Variants in OTOGL observed in about 807,000 individuals in gnomAD.
OTOGL encodes the protein otogelin-like protein.
A neutral mutation model predicts 318.5 loss-of-function variants in OTOGL; 285 were observed. The observed-to-expected ratio is 0.89, with a 90% CI of 0.81 to 0.99. OTOGL has a LOEUF of 0.99. Ranked by LOEUF, OTOGL falls within the 50% of genes least tolerant of loss-of-function variation. The pLI, the probability that OTOGL is intolerant of heterozygous loss-of-function variation, is 0.00. For missense variants in OTOGL, 2,899 were observed against 2,845.6 expected (o/e 1.02, Z -0.43); for synonymous variants, 987 against 936.5 (o/e 1.05, Z -0.99).
At position 80,341,961 on chromosome 12, in the gene OTOGL, A is replaced by T; in HGVS notation, c.5064A>T (p.Glu1688Asp). Reference protein sequence around the residue: ...YTEGLCGICNEDPDDDLRMQN... With the variant: ...YTEGLCGICNDDPDDDLRMQN... ...TATTCTTTCAAGGAATTTGCAATGA[A>T]GATCCGGATGATGATCTAAGGATGC... Residue 1688 changes from glutamate to aspartate, a missense_variant, in exon 44 of 59, where the codon GAA becomes GAT. Physicochemically the swap from Glu to Asp is conservative, Grantham distance 45 (BLOSUM62 2). This residue lies in a region of OTOGL where 2,607 missense variants were observed against 2,524.9 expected (regional missense o/e 1.03). Coordinates refer to ENST00000547103, the MANE Select transcript of OTOGL (RefSeq NM_001378609.3). 1 of 1,603,164 alleles carries T rather than the reference A, an allele frequency of 6.2e-7. No homozygotes were observed. Among genetic ancestry groups the T allele is most frequent in the South Asian group, 1.1e-5 (1 of 89,070 alleles).
At chr12:80,125,023 C>G (rs1235120860) in intron 1 of OTOGL, among the ~76,000 whole-genome samples, 1 of 152,116 alleles carries the variant, frequency 6.6e-6, no homozygotes, top group Non-Finnish European at 1.5e-5. Context: ...AATTGAATAC[C>G]CTTTATTCCC....
At chr12:80,203,006 C>G (rs1876566894) in intron 1 of OTOGL, among the ~76,000 whole-genome samples, 1 of 152,138 alleles carries the variant, frequency 6.6e-6, no homozygotes, top group African/African-American at 2.4e-5. Flanking sequence ...ATTTCAATAC[C>G]TGAGAATGAG....
At chr12:80,244,179 T>C (rs916139845) in intron 11 of OTOGL, among the ~76,000 whole-genome samples, 22 of 151,710 alleles carry the variant, frequency 1.5e-4, no homozygotes, top group South Asian at 8.3e-4. Context: ...TTTCTTTTTT[T>C]TTTTTTATAC....
intron 1 of OTOGL, among the ~76,000 whole-genome samples, chr12:80,167,598 T>C (rs571600142): frequency 6.6e-6 from 1 of 152,300 alleles, no homozygotes; most frequent in African/African-American, 2.4e-5. Flanking sequence ...TTAATTTTTT[T>C]CTTCTAGGAA....
intron 1 of OTOGL, among the ~76,000 whole-genome samples, chr12:80,157,293 T>A (rs1196516555): frequency 6.6e-6 from 1 of 152,146 alleles, no homozygotes; most frequent in Non-Finnish European, 1.5e-5. Flanking sequence ...ATTATTAGAT[T>A]TTTTTCCCCA....
chr12:80,360,308 C>CT (rs1389457888), intron 52 of OTOGL, among the ~76,000 whole-genome samples: 3 of 151,624 alleles, frequency 2.0e-5, no homozygotes, highest in East Asian at 1.9e-4. Flanking sequence ...TACTTTCTAT[C>CT]TTTTTTCTGG....
intron 11 of OTOGL, among the ~76,000 whole-genome samples, chr12:80,249,930 A>C (rs556180439): frequency 6.6e-6 from 1 of 152,038 alleles, no homozygotes; most frequent in African/African-American, 2.4e-5. Flanking sequence ...CCGATTTTCC[A>C]GGTGCGTCCG....
chr12:80,278,145 G>A (rs1428692105), intron 24 of OTOGL, 23 bp from the exon 25 acceptor site: 72 of 1,496,748 alleles, frequency 4.8e-5, no homozygotes, highest in African/African-American at 5.6e-5. Flanking sequence ...ATACTAAATA[G>A]CATTTTATTC....
At chr12:80,369,924 A>C (rs12298138) in intron 55 of OTOGL, among the ~76,000 whole-genome samples, 1,651 of 152,182 alleles carry the variant, frequency 0.011, 34 homozygotes, top group African/African-American at 0.038. Context: ...TTATAAAATA[A>C]AAATATAGAT....
chr12:80,366,469 T>TGA (rs1282838294), intron 52 of OTOGL, 105 bp from the exon 53 acceptor site: 3 of 352,384 alleles, frequency 8.5e-6, no homozygotes, highest in African/African-American at 6.6e-5. Context: ...AGTATGTGTG[T>TGA]GTGTGTGTAT....
At chr12:80,330,542 G>A (rs1218635031) in intron 37 of OTOGL, among the ~76,000 whole-genome samples, 1 of 152,140 alleles carries the variant, frequency 6.6e-6, no homozygotes. Flanking sequence ...ATTATTCTAA[G>A]TATTGCTCTC....
At chr12:80,336,192 AG>A (rs538134325) in intron 39 of OTOGL, 52 bp downstream of exon 39, 581 of 1,466,960 alleles carry the variant, frequency 4.0e-4, no homozygotes, top group Non-Finnish European at 4.9e-4. Context: ...TTTAATCTGG[AG>A]AGATTGTTAC....
intron 1 of OTOGL, among the ~76,000 whole-genome samples, chr12:80,206,936 A>G (rs1418537669): frequency 6.6e-6 from 1 of 150,556 alleles, no homozygotes; most frequent in South Asian, 2.1e-4. Context: ...AATGACTGTG[A>G]TGCTTTTGAA....
chr12:80,352,158 GAAA>G, intron 44 of OTOGL, 134 bp from the exon 45 acceptor site: 4 of 755,276 alleles, frequency 5.3e-6, no homozygotes, highest in Non-Finnish European at 8.1e-6. Flanking sequence ...AAGAATTTTT[GAAA>G]ATGTAAAGTC....
At chr12:80,239,536 A>C (rs1880184203) in intron 11 of OTOGL, 97 bp downstream of exon 11, 3 of 824,484 alleles carry the variant, frequency 3.6e-6, no homozygotes, top group Non-Finnish European at 5.5e-6. Context: ...CTGTTCACAA[A>C]ATATTATGGG....
chr12:80,249,111 T>C (rs1881215491), intron 11 of OTOGL, among the ~76,000 whole-genome samples: 1 of 146,518 alleles, frequency 6.8e-6, no homozygotes, highest in Non-Finnish European at 1.5e-5. Context: ...TTGGTTTGAA[T>C]GTCCTCCCGT....
chr12:80,217,374 C>A (rs1016074259), intron 4 of OTOGL, among the ~76,000 whole-genome samples: 2 of 152,128 alleles, frequency 1.3e-5, no homozygotes, highest in African/African-American at 4.8e-5. Flanking sequence ...TTGTCAAAGT[C>A]ATGTAAGAGG....
intron 32 of OTOGL, among the ~76,000 whole-genome samples, chr12:80,315,840 T>G (rs1026204): frequency 6.6e-6 from 1 of 152,126 alleles, no homozygotes; most frequent in Non-Finnish European, 1.5e-5. Flanking sequence ...TAAAATTATG[T>G]CCTGTTCAAG....
intron 39 of OTOGL, 77 bp from the exon 40 acceptor site, chr12:80,336,336 G>T (rs1348471001): frequency 1.4e-6 from 2 of 1,416,204 alleles, no homozygotes; most frequent in South Asian, 1.5e-5. Flanking sequence ...TAATTTAACA[G>T]ATTTTTTTAA....
Sources: allele counts gnomAD v4.1 joint callset (sites outside exome capture counted in the v4.1 genomes callset), GRCh38; gene constraint gnomAD v4.1.1; regional missense constraint gnomAD v4.1.1; transcripts MANE v1.5; gene names NCBI Gene and HGNC (gene_info 2026-07-23, HGNC 2026-07-21).